The following LAMP3 variants were observed in gnomAD, a reference collection of about 807,000 sequenced individuals.
The protein encoded by LAMP3 is lysosome-associated membrane glycoprotein 3.
A neutral mutation model predicts 34.8 loss-of-function variants in LAMP3; 26 were observed. The ratio of observed to expected loss-of-function variants is 0.75; its 90% CI spans 0.55 to 1.04. The LOEUF (loss-of-function observed/expected upper bound fraction) is 1.04, where lower values mean the gene tolerates loss of function less well. Among genes scored for constraint, LAMP3 ranks in the 50% least tolerant of loss-of-function variants. LAMP3 has a pLI of 0.00. For missense variants in LAMP3, 495 were observed against 524.0 expected (o/e 0.94, Z 0.54); for synonymous variants, 180 against 201.9 (o/e 0.89, Z 0.92).
At chr3:183,152,339 C>A in intron 3 of LAMP3, 36 bp downstream of exon 3, 1 of 1,565,356 alleles carries the variant, frequency 6.4e-7, no homozygotes. Flanking sequence ...GAAAGCTGTA[C>A]CAGATGCAGT....
At chr3:183,124,496 A>C (rs756630293) in intron 5 of LAMP3, among the ~76,000 whole-genome samples, 1 of 152,224 alleles carries the variant, frequency 6.6e-6, no homozygotes, top group Non-Finnish European at 1.5e-5. Flanking sequence ...ACTGAGTAAG[A>C]AGTCACTCCA....
chr3:183,142,632 A>G lies in LAMP3; in HGVS notation c.889-2037T>C, dbSNP rs529301089. 3.3e-5 allele frequency among the ~76,000 whole-genome samples: 5 copies of G among 152,312 alleles called. No individual in the cohort carries two copies. The South Asian group carries it at 1.0e-3, about 32-fold the overall frequency. ...TAGTTTGTAGGTGAGACAAAGCAAG[A>G]TCCTGCCCTACATTTTCCTCCATGG... On this transcript the variant is annotated intron_variant, in intron 3 of 5. Coordinates refer to ENST00000265598, the MANE Select transcript of LAMP3 (RefSeq NM_014398.4).
chr3:183,152,555 C>T (rs776484660), intron 2 of LAMP3, 52 bp from the exon 3 acceptor site: 18 of 1,530,360 alleles, frequency 1.2e-5, no homozygotes, highest in Non-Finnish European at 1.5e-5. Flanking sequence ...AAAACTCTAG[C>T]TAGGGAACCA....
chr3:183,155,892 T>C (rs182183820), intron 1 of LAMP3, among the ~76,000 whole-genome samples: 3 of 152,306 alleles, frequency 2.0e-5, no homozygotes, highest in Admixed American at 2.0e-4. Flanking sequence ...CTCACATGAG[T>C]TGGTTTAAGT....
chr3:183,123,175 T>C lies in LAMP3; in HGVS notation c.*906A>G, dbSNP rs1394307104. ...GATTCTGGAGCAGGAGTCATCAAGATAAAAAATATAAGCTGATTTGTTCTT... is the reference window on the plus strand; with the variant it reads ...GATTCTGGAGCAGGAGTCATCAAGACAAAAAATATAAGCTGATTTGTTCTT... On this transcript the variant is annotated 3_prime_UTR_variant, in exon 6 of 6. Transcript: ENST00000265598. The C allele has an allele frequency of 6.6e-6, 1 of 152,322 alleles. No homozygotes were observed. Among genetic ancestry groups the C allele is most frequent in the South Asian group, 2.1e-4 (1 of 4,826 alleles). The allele number at this position is 152,322 out of a possible 1,614,324, so 9.4% of individuals were successfully genotyped here. A position where few individuals can be genotyped will look rare whatever the true frequency, so the allele number is the denominator to read the frequency against.
At chr3:183,156,193 C>T (rs943874305) in intron 1 of LAMP3, among the ~76,000 whole-genome samples, 3 of 152,150 alleles carry the variant, frequency 2.0e-5, no homozygotes, top group Non-Finnish European at 4.4e-5. Context: ...AATCCCACCT[C>T]TACTAAAAAT....
upstream of LAMP3, chr3:183,162,750 C>CCACCTGCTT (rs1429136580): frequency 2.5e-6 from 3 of 1,194,294 alleles, no homozygotes; most frequent in Non-Finnish European, 3.4e-6. Context: ...AGAAACGAAA[C>CCACCTGCTT]CACCTGCTTA....
intron 5 of LAMP3, among the ~76,000 whole-genome samples, chr3:183,129,023 AAAACAAAC>A (rs766255252): frequency 6.6e-6 from 1 of 152,150 alleles, no homozygotes; most frequent in African/African-American, 2.4e-5. Flanking sequence ...ACTCTGTCTC[AAAACAAAC>A]AAACAAACAA....
In LAMP3 at chr3:183,136,669, A is replaced by AC. The variant is rs1340762351; in HGVS notation, c.947-783_947-782insG. ...TCCGTTTCAGAAAAAAAAAAAAAAA[A>AC]ACAACTCATTAGGAGGGGTTGTTGC... On this transcript the variant is annotated intron_variant, in intron 4 of 5. Coordinates refer to ENST00000265598, the MANE Select transcript of LAMP3 (RefSeq NM_014398.4). Among the ~76,000 whole-genome samples the AC allele has an allele frequency of 4.3e-4, 64 of 150,100 alleles. 2 individuals carry two copies. Among genetic ancestry groups the AC allele is most frequent in the African/African-American group, 1.5e-3 (62 of 40,744 alleles).
intron 4 of LAMP3, 67 bp from the exon 5 acceptor site, chr3:183,135,954 G>T: frequency 7.7e-7 from 1 of 1,301,164 alleles, no homozygotes. Context: ...GCTGTGGCCG[G>T]GCTGCCTGTG....
intron 5 of LAMP3, among the ~76,000 whole-genome samples, chr3:183,135,324 C>T (rs181914430): frequency 3.5e-4 from 54 of 152,258 alleles, no homozygotes; most frequent in Admixed American, 1.7e-3. Flanking sequence ...GGGGAAGAAA[C>T]TATTCTGAAA....
At position 183,124,183 on chromosome 3, in the gene LAMP3, C is replaced by A. The variant is rs371108228; in HGVS notation, c.1149G>T (p.Val383=). ...CCACGATGGCCCCAATCACAGGAAG[C>A]ACAATTGTGTAGTCAGACGAGCACT... The part of the protein sequence containing the change: ...VDECSSDYTI[V]LPVIGAIVVG... Residue 383 remains valine, a synonymous_variant, in exon 6 of 6, where the codon GTG becomes GTT. Coordinates refer to ENST00000265598, the MANE Select transcript of LAMP3 (RefSeq NM_014398.4). 3.1e-6 allele frequency: 5 copies of A among 1,606,484 alleles called. No homozygotes were observed. Among genetic ancestry groups the A allele is most frequent in the East Asian group, 4.5e-5 (2 of 44,592 alleles).
chr3:183,160,265 G>C (rs1473237847), intron 1 of LAMP3, among the ~76,000 whole-genome samples: 1 of 152,180 alleles, frequency 6.6e-6, no homozygotes, highest in Non-Finnish European at 1.5e-5. Flanking sequence ...TTACCCAAAA[G>C]CTCCGTCTCT....
intron 1 of LAMP3, among the ~76,000 whole-genome samples, chr3:183,157,172 C>T (rs999686325): frequency 1.6e-4 from 24 of 152,232 alleles, no homozygotes; most frequent in African/African-American, 5.8e-4. Context: ...CCTTGATAAC[C>T]TTATAAAAAG....
intron 3 of LAMP3, among the ~76,000 whole-genome samples, chr3:183,143,288 T>A (rs574936342): frequency 2.6e-4 from 38 of 146,008 alleles, no homozygotes; most frequent in South Asian, 2.4e-3. Flanking sequence ...TAAAAAAAAT[T>A]TTTTTATAGA....
At position 183,154,143 on chromosome 3, in the gene LAMP3, T is replaced by G; in HGVS notation, c.298A>C (p.Ile100Leu). The change falls in exon 2 of 6, where the codon ATT (isoleucine) becomes CTT (leucine). Residue 100 changes from isoleucine (I) to leucine (L), a missense_variant. Ile to Leu is a conservative substitution (Grantham distance 5, BLOSUM62 2). Transcript: ENST00000265598. ...TTKNTATTSP[I>L]TYTLVTTQAT... is the part of the protein sequence containing the mutation. Reference sequence around the variant, plus strand: ...TGGGTTGTGACCAGGGTGTAGGTAATTGGGCTGGTGGTTGCAGTGTTTTTT... The same window carrying G: ...TGGGTTGTGACCAGGGTGTAGGTAAGTGGGCTGGTGGTTGCAGTGTTTTTT... The G allele has an allele frequency of 6.2e-7, 1 of 1,613,882 alleles. No homozygotes were observed. Among genetic ancestry groups the G allele is most frequent in the Non-Finnish European group, 8.5e-7 (1 of 1,179,888 alleles).
chr3:183,132,039 C>A (rs887125633), intron 5 of LAMP3: 2 of 985,228 alleles, frequency 2.0e-6, no homozygotes, highest in Admixed American at 1.2e-4. Flanking sequence ...TCCCTCCTGT[C>A]CTGCAATGGT....
At chr3:183,163,189 C>T (rs946851220), upstream of LAMP3, among the ~76,000 whole-genome samples, 1 of 151,888 alleles carries the variant, frequency 6.6e-6, no homozygotes, top group Non-Finnish European at 1.5e-5. Flanking sequence ...AGCTCCTGAC[C>T]TCGTGATTCG....
chr3:183,146,235 T>C (rs1007307929), intron 3 of LAMP3, among the ~76,000 whole-genome samples: 7 of 152,156 alleles, frequency 4.6e-5, no homozygotes, highest in Non-Finnish European at 8.8e-5. Context: ...AGGCCAGAAA[T>C]GCTGCTGAGC....
Sources: gnomAD v4.1 joint callset for allele counts (sites outside exome capture counted in the v4.1 genomes callset) on GRCh38, gnomAD v4.1.1 for gene constraint, MANE v1.5 for transcripts, NCBI Gene and HGNC (gene_info 2026-07-23, HGNC 2026-07-21) for gene names.